The following TRPS1 variants were observed in gnomAD, a reference collection of about 807,000 sequenced individuals.
The protein encoded by TRPS1 is transcriptional repressor GATA binding 1.
In TRPS1, 6 loss-of-function variants were observed where a neutral mutation model predicts 101.2. The ratio of observed to expected loss-of-function variants is 0.06; its 90% CI spans 0.03 to 0.12. The LOEUF (loss-of-function observed/expected upper bound fraction) is 0.12. Among genes scored for constraint, TRPS1 ranks in the 10% least tolerant of loss-of-function variants. The probability of loss-of-function intolerance (pLI) is 1.00; values close to 1 mark genes in which losing one functional copy is unlikely to be tolerated. For missense variants in TRPS1, 1,363 were observed against 1,567.0 expected (o/e 0.87, Z 2.20); for synonymous variants, 578 against 589.8 (o/e 0.98, Z 0.29).
At chr8:115,561,470 G>GT (rs11390151) in intron 5 of TRPS1, among the ~76,000 whole-genome samples, 16,877 of 146,666 alleles carry the variant, frequency 0.12, 3,095 homozygotes, top group African/African-American at 0.39. Context: ...TTAATCTTGT[G>GT]TTTTTTTTTT....
intron 5 of TRPS1, among the ~76,000 whole-genome samples, chr8:115,445,252 T>C (rs1813703481): frequency 6.6e-6 from 1 of 152,202 alleles, no homozygotes; most frequent in Admixed American, 6.5e-5. Context: ...CATGAAACTT[T>C]ATATGCTACA....
At chr8:115,467,566 A>C (rs1225467304) in intron 5 of TRPS1, among the ~76,000 whole-genome samples, 1 of 152,156 alleles carries the variant, frequency 6.6e-6, no homozygotes, top group East Asian at 1.9e-4. Flanking sequence ...TCCAGGAGCC[A>C]GGACAGAGAA....
intron 5 of TRPS1, among the ~76,000 whole-genome samples, chr8:115,533,446 T>A (rs796438955): frequency 3.8e-5 from 5 of 130,746 alleles, no homozygotes; most frequent in African/African-American, 1.6e-4. Flanking sequence ...GTTTTTTTTT[T>A]TTTTTTTTTT....
chr8:115,644,613 C>A (rs906297706), intron 1 of TRPS1, among the ~76,000 whole-genome samples: 1 of 152,178 alleles, frequency 6.6e-6, no homozygotes, highest in Non-Finnish European at 1.5e-5. Flanking sequence ...CAGAGTGGCA[C>A]TTTTAATTTC....
chr8:115,562,719 C>CA (rs1387953645), intron 5 of TRPS1, among the ~76,000 whole-genome samples: 1 of 151,368 alleles, frequency 6.6e-6, no homozygotes, highest in East Asian at 1.9e-4. Context: ...TATTACCAAA[C>CA]AATATAGTGT....
intron 1 of TRPS1, among the ~76,000 whole-genome samples, chr8:115,663,086 G>A (rs1395390561): frequency 6.6e-6 from 1 of 152,016 alleles, no homozygotes; most frequent in Non-Finnish European, 1.5e-5. Context: ...AACTGTTTAA[G>A]TTACGGTAAC....
chr8:115,661,106 T>TA (rs1663160265), intron 1 of TRPS1, among the ~76,000 whole-genome samples: 1 of 152,038 alleles, frequency 6.6e-6, no homozygotes, highest in Non-Finnish European at 1.5e-5. Context: ...AAATGAGACT[T>TA]AAAAAATGAT....
chr8:115,642,246 G>A (rs56323354), intron 1 of TRPS1, among the ~76,000 whole-genome samples: 130,700 of 146,284 alleles, frequency 0.89, 57,835 homozygotes, highest in Non-Finnish European at 0.94. Flanking sequence ...AGAAACCTGT[G>A]TGTATATATA....
At chr8:115,551,749 T>C (rs1156950697) in intron 5 of TRPS1, among the ~76,000 whole-genome samples, 1 of 152,226 alleles carries the variant, frequency 6.6e-6, no homozygotes, top group Admixed American at 6.5e-5. Context: ...AAAATATGAT[T>C]ACATGGAATA....
chr8:115,429,120 C>T (rs1451631830), intron 5 of TRPS1, among the ~76,000 whole-genome samples: 1 of 152,100 alleles, frequency 6.6e-6, no homozygotes, highest in African/African-American at 2.4e-5. Context: ...AAATCTTTCA[C>T]GGGAAAACTA....
chr8:115,423,353 A>C (rs1178610173), intron 5 of TRPS1, among the ~76,000 whole-genome samples: 3 of 152,226 alleles, frequency 2.0e-5, no homozygotes, highest in African/African-American at 4.8e-5. Context: ...GGAGTTTCGA[A>C]GCCAGTGATT....
At chr8:115,489,833 C>T (rs1814976277) in intron 5 of TRPS1, among the ~76,000 whole-genome samples, 1 of 152,126 alleles carries the variant, frequency 6.6e-6, no homozygotes, top group East Asian at 1.9e-4. Context: ...TAATATCTTA[C>T]CATTTTTAAA....
intron 5 of TRPS1, among the ~76,000 whole-genome samples, chr8:115,448,860 C>T (rs1813800276): frequency 6.6e-6 from 1 of 152,148 alleles, no homozygotes; most frequent in South Asian, 2.1e-4. Flanking sequence ...GAAACTCCTT[C>T]TTAGAGGCCA....
At chr8:115,588,357 T>C (rs1817613544) in intron 4 of TRPS1, among the ~76,000 whole-genome samples, 1 of 152,198 alleles carries the variant, frequency 6.6e-6, no homozygotes, top group African/African-American at 2.4e-5. Context: ...ACAAATTCTA[T>C]CCATCTATGA....
At chr8:115,568,736 A>G (rs2130389042) in intron 5 of TRPS1, among the ~76,000 whole-genome samples, 1 of 152,296 alleles carries the variant, frequency 6.6e-6, no homozygotes, top group African/African-American at 2.4e-5. Context: ...ATGATTACAT[A>G]ACTTCAACCA....
chr8:115,635,209 A>G (rs955737353), intron 1 of TRPS1, among the ~76,000 whole-genome samples: 4 of 152,314 alleles, frequency 2.6e-5, no homozygotes, highest in South Asian at 2.1e-4. Context: ...AAAAAGTCCT[A>G]CACTTTATCC....
At chr8:115,587,718 A>C in intron 4 of TRPS1, 114 bp from the exon 5 acceptor site, 1 of 1,553,848 alleles carries the variant, frequency 6.4e-7, no homozygotes, top group Non-Finnish European at 8.8e-7. Context: ...AGTAGGTAGA[A>C]AGAAATGCAA....
chr8:115,573,017 G>A (rs535596341), intron 5 of TRPS1, among the ~76,000 whole-genome samples: 2 of 152,056 alleles, frequency 1.3e-5, no homozygotes, highest in South Asian at 2.1e-4. Context: ...CCAGCTACTC[G>A]GGAGGCTGAG....
chr8:115,518,103 T>TA (rs58545915), intron 5 of TRPS1, among the ~76,000 whole-genome samples: 151,518 of 151,520 alleles, frequency 1, 75,758 homozygotes, highest in Non-Finnish European at 1. Flanking sequence ...ATTCTGGTAG[T>TA]AAAGAGCAAC....
Sources: gnomAD v4.1 joint callset for allele counts (sites outside exome capture counted in the v4.1 genomes callset) on GRCh38, gnomAD v4.1.1 for gene constraint, MANE v1.5 for transcripts, NCBI Gene and HGNC (gene_info 2026-07-23, HGNC 2026-07-21) for gene names.